The following HNRNPLL variants were observed in gnomAD, a reference collection of about 807,000 sequenced individuals.
HNRNPLL encodes heterogeneous nuclear ribonucleoprotein L-like.
HNRNPLL carries 25 observed loss-of-function variants against 67.1 expected under a neutral mutation model. The observed-to-expected ratio is 0.37, with a 90% CI of 0.27 to 0.52. The LOEUF is 0.52. HNRNPLL is among the 20% of genes least tolerant of loss of function. The pLI is 0.90. For missense variants in HNRNPLL, 542 were observed against 673.9 expected (o/e 0.80, Z 2.17); for synonymous variants, 267 against 241.7 (o/e 1.10, Z -0.97).
intron 11 of HNRNPLL, 39 bp downstream of exon 11, chr2:38,568,347 C>G: frequency 6.2e-7 from 1 of 1,605,180 alleles, no homozygotes; most frequent in Non-Finnish European, 8.5e-7. Flanking sequence ...TTATCACCAA[C>G]TTAACCAGAA....
At position 38,585,641 on chromosome 2, in the gene HNRNPLL, T is replaced by C; in HGVS notation, c.546+3A>G. On this transcript the variant is annotated splice_donor_region_variant and intron_variant, in intron 3 of 12. Transcript: ENST00000449105. Reference sequence around the variant, plus strand: ...ATTTCATTTGTCATATTAAAACACATACCACTGTAATTGGATAAAGCGGAT... The same window carrying C: ...ATTTCATTTGTCATATTAAAACACACACCACTGTAATTGGATAAAGCGGAT... 1.3e-6 allele frequency: 2 copies of C among 1,541,284 alleles called. No individual in the cohort carries two copies. The highest frequency in any genetic ancestry group is 1.8e-6 in the Non-Finnish European group (2 of 1,113,706).
chr2:38,599,997 A>G, intron 1 of HNRNPLL: 1 of 453,694 alleles, frequency 2.2e-6, no homozygotes, highest in South Asian at 1.6e-5. Context: ...ATGAATTACC[A>G]AACATGTGAA....
chr2:38,582,141 T>C lies in HNRNPLL; in HGVS notation c.660A>G (p.Lys220=). ...VEFESVLCAQ[K]AKAALNGADI... Reference sequence around the variant, plus strand: ...CAGCTCCATTGAGTGCTGCTTTAGCTTTCTGGGCACAAAGGACTGATTCAA... The same window carrying C: ...CAGCTCCATTGAGTGCTGCTTTAGCCTTCTGGGCACAAAGGACTGATTCAA... Residue 220 remains lysine (K), a synonymous_variant, in exon 5 of 13, where the codon AAA becomes AAG. Coordinates refer to ENST00000449105, the MANE Select transcript of HNRNPLL (RefSeq NM_138394.4). 1 of 1,614,032 alleles carries C rather than the reference T, an allele frequency of 6.2e-7. No individual in the cohort carries two copies. The highest frequency in any genetic ancestry group is 8.5e-7 in the Non-Finnish European group (1 of 1,179,908).
chr2:38,592,216 C>A (rs1400938509), intron 1 of HNRNPLL, among the ~76,000 whole-genome samples: 3 of 152,060 alleles, frequency 2.0e-5, no homozygotes, highest in Admixed American at 1.3e-4. Context: ...AAGAAAATCT[C>A]AGAAAGAAAA....
At chr2:38,600,013 A>C (rs1667359601) in intron 1 of HNRNPLL, 2 of 445,816 alleles carry the variant, frequency 4.5e-6, no homozygotes, top group Non-Finnish European at 9.2e-6. Context: ...GTGAACGAAG[A>C]AGCACAAGAC....
At chr2:38,581,386 C>T (rs1666525147) in intron 6 of HNRNPLL, 1 of 156,356 alleles carries the variant, frequency 6.4e-6, no homozygotes, top group African/African-American at 2.4e-5. Context: ...TGTTAAGTGT[C>T]CTCCTTTAAA....
At chr2:38,597,746 T>C (rs1368600485) in intron 1 of HNRNPLL, among the ~76,000 whole-genome samples, 1 of 151,828 alleles carries the variant, frequency 6.6e-6, no homozygotes, top group Non-Finnish European at 1.5e-5. Context: ...TGGAGTGCAG[T>C]GGCACGATCT....
At chr2:38,567,442 T>C (rs577743813) in intron 12 of HNRNPLL, among the ~76,000 whole-genome samples, 1 of 152,282 alleles carries the variant, frequency 6.6e-6, no homozygotes, top group South Asian at 2.1e-4. Context: ...TGTAATTATA[T>C]ATACACACTA....
At chr2:38,585,928 T>A (rs1666711508) in intron 2 of HNRNPLL, 47 bp from the exon 3 acceptor site, 1 of 1,107,028 alleles carries the variant, frequency 9.0e-7, no homozygotes, top group African/African-American at 1.5e-5. Context: ...GCAAGTTCCG[T>A]TAACATTATT....
chr2:38,584,301 T>C (rs753718441), intron 3 of HNRNPLL, among the ~76,000 whole-genome samples: 1 of 152,142 alleles, frequency 6.6e-6, no homozygotes, highest in Non-Finnish European at 1.5e-5. Context: ...GCTCAAGGGA[T>C]CCTACTACCT....
Position 38,564,049 on chromosome 2 carries a change from ATGTT to A in HNRNPLL, c.*129_*132del. On this transcript the variant is annotated 3_prime_UTR_variant, in exon 13 of 13. Coordinates refer to ENST00000449105, the MANE Select transcript of HNRNPLL (RefSeq NM_138394.4). ...ACAACAAATTTACTCAAGGCAAAAT[ATGTT>A]TATTACAGAACAGGATCTTAAAGTA... The A allele has an allele frequency of 1.5e-6, 1 of 650,926 alleles. No homozygotes were observed. Among genetic ancestry groups the A allele is most frequent in the East Asian group, 2.7e-5 (1 of 37,314 alleles). 40.3% of individuals were successfully genotyped at this position (650,926 alleles called of 1,614,324 possible). A position where few individuals can be genotyped will look rare whatever the true frequency, so the allele number is the denominator to read the frequency against.
At chr2:38,589,334 G>GT (rs1474021081) in intron 2 of HNRNPLL, among the ~76,000 whole-genome samples, 1 of 152,018 alleles carries the variant, frequency 6.6e-6, no homozygotes, top group Non-Finnish European at 1.5e-5. Flanking sequence ...TTTCTATACT[G>GT]TTTATAATCC....
chr2:38,573,144 T>G (rs112051373), intron 8 of HNRNPLL, 66 bp downstream of exon 8: 10 of 1,030,740 alleles, frequency 9.7e-6, no homozygotes, highest in African/African-American at 4.9e-5. Flanking sequence ...AGACACATAT[T>G]TGCAGCCTTT....
chr2:38,567,824 C>A (rs1038687665), intron 12 of HNRNPLL, among the ~76,000 whole-genome samples: 1 of 152,196 alleles, frequency 6.6e-6, no homozygotes, highest in African/African-American at 2.4e-5. Flanking sequence ...AGCCTACACA[C>A]AACCATATGA....
rs958788256 is a variant in HNRNPLL, at chr2:38,573,385, A to G, written c.917T>C (p.Met306Thr). The G allele has an allele frequency of 1.9e-6, 3 of 1,611,864 alleles. No individual in the cohort carries two copies. In the African/African-American group the frequency reaches 4.0e-5, roughly 22 times the overall value. Residue 306 changes from methionine (M) to threonine (T), a missense_variant, in exon 8 of 13, where the codon ATG (methionine) becomes ACG (threonine). Transcript: ENST00000449105. ...AAGTTCAGGTGTATCTCGAGAGCCCATTCTGTAACGACTTGGTAAAGGCAA... is the reference window on the plus strand; with the variant it reads ...AAGTTCAGGTGTATCTCGAGAGCCCGTTCTGTAACGACTTGGTAAAGGCAA... ...PLLPLPSRYRMGSRDTPELVA... is the reference protein window; with the variant it reads ...PLLPLPSRYRTGSRDTPELVA...
At chr2:38,590,326 T>A (rs1315208884) in intron 2 of HNRNPLL, among the ~76,000 whole-genome samples, 2 of 152,198 alleles carry the variant, frequency 1.3e-5, no homozygotes, top group Non-Finnish European at 2.9e-5. Flanking sequence ...TGCATTTTCC[T>A]CTCAATACTC....
rs1666154829 is a variant in HNRNPLL at position 38,573,061 on chromosome 2, G to A, written c.1092+149C>T. On this transcript the variant is annotated intron_variant, in intron 8 of 12. Transcript: ENST00000449105. ...TTATCAACAAAAAACATTTTCCAGA[G>A]TTCCTATATAATAGATTTTTAGCTT... 1.6e-5 allele frequency: 10 copies of A among 613,128 alleles called. No homozygotes were observed. In the South Asian group the frequency reaches 1.6e-4, roughly 10 times the overall value. The allele number at this position is 613,128 out of a possible 1,614,324, so 38.0% of individuals were successfully genotyped here.
At position 38,572,684 on chromosome 2, in the gene HNRNPLL, T is replaced by C. The variant is rs1271507092; in HGVS notation, c.1092+526A>G. On this transcript the variant is annotated intron_variant, in intron 8 of 12. Transcript: ENST00000449105. ...TATGTATATTGCTAGACAGGAAGTT[T>C]TGGACACATTTTATCAAAGTGGGTC... Among the ~76,000 whole-genome samples the C allele has an allele frequency of 2.0e-5, 3 of 152,088 alleles. No individual in the cohort carries two copies. In the South Asian group the frequency reaches 6.2e-4, roughly 32 times the overall value.
rs955620090 is a variant in HNRNPLL, at chr2:38,602,095, C to G, written c.189+343G>C. 31 of 296,284 alleles carry G rather than the reference C, an allele frequency of 1.0e-4. No homozygotes were observed. In the South Asian group the frequency reaches 1.2e-3, roughly 11 times the overall value. 18.4% of individuals were successfully genotyped at this position (296,284 alleles called of 1,614,324 possible). A position where few individuals can be genotyped will look rare whatever the true frequency, so the allele number is the denominator to read the frequency against. On this transcript the variant is annotated intron_variant, in intron 1 of 12. Coordinates refer to ENST00000449105, the MANE Select transcript of HNRNPLL (RefSeq NM_138394.4). ...CGGTGGTCCCGACGCTGGCCCCGAGCCCGAGGAGTTAAACTAACAAAGAGC... is the reference window on the plus strand; with the variant it reads ...CGGTGGTCCCGACGCTGGCCCCGAGGCCGAGGAGTTAAACTAACAAAGAGC...
Sources: gnomAD v4.1 joint callset for allele counts (sites outside exome capture counted in the v4.1 genomes callset) on GRCh38, gnomAD v4.1.1 for gene constraint, MANE v1.5 for transcripts, NCBI Gene and HGNC (gene_info 2026-07-23, HGNC 2026-07-21) for gene names.